Variants in CRISP2 observed in about 807,000 individuals in gnomAD.
The protein encoded by CRISP2 is cysteine-rich secretory protein 2.
A neutral mutation model predicts 31.7 loss-of-function variants in CRISP2; 29 were observed. The ratio of observed to expected loss-of-function variants is 0.92; its 90% CI spans 0.68 to 1.25. The LOEUF (loss-of-function observed/expected upper bound fraction) is 1.25, where lower values mean the gene tolerates loss of function less well. CRISP2 is among the 50% of genes most tolerant of loss of function. The pLI is 0.00. For synonymous variants in CRISP2, 111 were observed against 101.4 expected (o/e 1.09, Z -0.57); for missense variants, 318 against 286.5 (o/e 1.11, Z -0.79).
chr6:49,702,631 C>A (rs1766294991), intron 4 of CRISP2, among the ~76,000 whole-genome samples: 1 of 151,932 alleles, frequency 6.6e-6, no homozygotes, highest in South Asian at 2.1e-4. Context: ...TACTCATGCC[C>A]TTAGCCCACT....
intron 8 of CRISP2, among the ~76,000 whole-genome samples, chr6:49,696,450 G>A (rs189982685): frequency 2.1e-3 from 312 of 151,804 alleles, no homozygotes; most frequent in Non-Finnish European, 3.4e-3. Flanking sequence ...TGGAGGTTGC[G>A]ATTTTTCAGT....
chr6:49,708,875 A>G (rs912504502), intron 4 of CRISP2, among the ~76,000 whole-genome samples: 4 of 152,200 alleles, frequency 2.6e-5, no homozygotes, highest in African/African-American at 9.6e-5. Context: ...TTACCATCAG[A>G]GTACATTTTG....
At chr6:49,677,230 ATGTAT>A in the CRISP2 span, among the ~76,000 whole-genome samples, 1 of 152,162 alleles carries the variant, frequency 6.6e-6, no homozygotes, top group Admixed American at 6.6e-5. Context: ...TGTTGATCAA[ATGTAT>A]TGTGATACGT....
intron 3 of CRISP2, 147 bp downstream of exon 3, chr6:49,711,138 C>T (rs1025706648): frequency 2.3e-4 from 34 of 150,990 alleles, no homozygotes; most frequent in African/African-American, 6.2e-4. Flanking sequence ...GAAAGAGACC[C>T]TGTCTCTAAA....
downstream of CRISP2, among the ~76,000 whole-genome samples, chr6:49,688,913 G>C (rs114533700): frequency 0.011 from 1,646 of 151,916 alleles, 21 homozygotes; most frequent in African/African-American, 0.036. Flanking sequence ...TCGTTGCCCA[G>C]GCTGGAGTGC....
chr6:49,697,729 A>C (rs756621084), intron 8 of CRISP2, 131 bp downstream of exon 8: 2 of 1,548,218 alleles, frequency 1.3e-6, no homozygotes, highest in South Asian at 2.3e-5. Flanking sequence ...TCAACCTTAA[A>C]AAACATTTCC....
At chr6:49,683,822 G>A in the CRISP2 span, among the ~76,000 whole-genome samples, 1 of 147,650 alleles carries the variant, frequency 6.8e-6, no homozygotes, top group African/African-American at 2.5e-5. Context: ...TGTCAAAAGT[G>A]AACACATTTT....
intron 8 of CRISP2, among the ~76,000 whole-genome samples, chr6:49,696,261 A>G (rs1347142997): frequency 2.0e-5 from 3 of 152,138 alleles, no homozygotes; most frequent in East Asian, 1.9e-4. Context: ...CAAGGTGCCA[A>G]TTAGGGGTAA....
chr6:49,701,618 A>ATACATTATATATGTATACATTATATAATG (rs1157091421), intron 4 of CRISP2, among the ~76,000 whole-genome samples: 1 of 48,622 alleles, frequency 2.1e-5, no homozygotes, highest in Non-Finnish European at 3.6e-5. Context: ...CGGTATATAT[A>ATACATTATATATGTATACATTATATAATG]TATACATTAT....
intron 4 of CRISP2, among the ~76,000 whole-genome samples, chr6:49,707,955 A>C (rs539620234): frequency 2.5e-4 from 38 of 152,296 alleles, no homozygotes; most frequent in Admixed American, 2.0e-3. Context: ...TTCACATACT[A>C]ACTCTATTAT....
At chr6:49,699,062 C>A (rs571842217) in intron 6 of CRISP2, among the ~76,000 whole-genome samples, 7 of 152,120 alleles carry the variant, frequency 4.6e-5, no homozygotes, top group African/African-American at 1.7e-4. Context: ...AAGCTGAAAT[C>A]CTTGTGAGTT....
chr6:49,686,906 A>G, the CRISP2 span, among the ~76,000 whole-genome samples: 2 of 152,194 alleles, frequency 1.3e-5, no homozygotes, highest in African/African-American at 2.4e-5. Context: ...CTTTGTAGGG[A>G]CATGGATGAA....
At chr6:49,685,599 G>C in the CRISP2 span, among the ~76,000 whole-genome samples, 2 of 152,084 alleles carry the variant, frequency 1.3e-5, no homozygotes, top group African/African-American at 4.8e-5. Context: ...CATTTGTTCA[G>C]TCGTAACATA....
At chr6:49,694,116 C>T (rs772678123) in intron 9 of CRISP2, among the ~76,000 whole-genome samples, 1 of 152,172 alleles carries the variant, frequency 6.6e-6, no homozygotes, top group Admixed American at 6.5e-5. Context: ...GCGAATAAGT[C>T]TCCTAAGATG....
intron 8 of CRISP2, 151 bp from the exon 9 acceptor site, chr6:49,696,075 T>C: frequency 1.9e-6 from 1 of 531,742 alleles, no homozygotes; most frequent in East Asian, 3.1e-5. Flanking sequence ...GTATTTCAGA[T>C]AACAATCCAA....
the CRISP2 span, among the ~76,000 whole-genome samples, chr6:49,677,053 G>A: frequency 3.9e-5 from 6 of 152,116 alleles, no homozygotes; most frequent in African/African-American, 1.4e-4. Flanking sequence ...ACAAGGAAGA[G>A]GACGAAAGGG....
chr6:49,690,614 A>G (rs1231778578), downstream of CRISP2, among the ~76,000 whole-genome samples: 2 of 152,082 alleles, frequency 1.3e-5, no homozygotes, highest in African/African-American at 4.8e-5. Context: ...TTCACTGAAA[A>G]TGTTCATTTT....
chr6:49,697,224 A>C (rs915758609), intron 8 of CRISP2, among the ~76,000 whole-genome samples: 1 of 152,204 alleles, frequency 6.6e-6, no homozygotes, highest in Non-Finnish European at 1.5e-5. Context: ...CATATTGTTT[A>C]ATGAAGAAGC....
chr6:49,682,624 TTTC>T, the CRISP2 span, among the ~76,000 whole-genome samples: 441 of 68,036 alleles, frequency 6.5e-3, 1 homozygote, highest in African/African-American at 0.013. Context: ...TCTTTCTTTC[TTTC>T]TTTCTTTCTT....
Sources: gnomAD v4.1 joint callset for allele counts (sites outside exome capture counted in the v4.1 genomes callset) on GRCh38, gnomAD v4.1.1 for gene constraint, MANE v1.5 for transcripts, NCBI Gene and HGNC (gene_info 2026-07-23, HGNC 2026-07-21) for gene names.